The following KDM1A variants were observed in gnomAD, a reference collection of about 807,000 sequenced individuals.
KDM1A encodes lysine demethylase 1A, also known as lysine-specific histone demethylase 1A.
Under a neutral mutation model 109.4 loss-of-function variants are expected in KDM1A, and 49 were observed. The observed-to-expected ratio is 0.45, with a 90% CI of 0.36 to 0.57. KDM1A has a LOEUF of 0.57. Ranked by LOEUF, KDM1A falls within the 20% of genes least tolerant of loss-of-function variation. KDM1A has a pLI of 0.00. For synonymous variants in KDM1A, 380 were observed against 415.4 expected (o/e 0.91, Z 1.04); for missense variants, 668 against 1,116.6 (o/e 0.60, Z 5.73).
intron 2 of KDM1A, among the ~76,000 whole-genome samples, chr1:23,033,792 GC>G (rs1380964050): frequency 6.6e-6 from 1 of 152,178 alleles, no homozygotes; most frequent in Non-Finnish European, 1.5e-5. Context: ...ACTAAGCCAG[GC>G]TAAGGAATTT....
intron 2 of KDM1A, among the ~76,000 whole-genome samples, chr1:23,036,444 G>GCCCCCCCCTCC (rs1642145183): frequency 2.5e-5 from 3 of 121,702 alleles, no homozygotes; most frequent in Non-Finnish European, 3.4e-5. Flanking sequence ...TTCTTGCCAC[G>GCCCCCCCCTCC]CCCCCCCCCT....
At chr1:23,067,339 C>A (rs1036426424) in intron 10 of KDM1A, among the ~76,000 whole-genome samples, 2 of 152,142 alleles carry the variant, frequency 1.3e-5, no homozygotes, top group Non-Finnish European at 2.9e-5. Flanking sequence ...GCCCTTCTTG[C>A]CAGATTCTTT....
chr1:23,070,622 C>T (rs571332338), intron 12 of KDM1A, among the ~76,000 whole-genome samples: 1 of 152,088 alleles, frequency 6.6e-6, no homozygotes, highest in Admixed American at 6.5e-5. Context: ...TTCTGGCTAA[C>T]ATGGTGAAAC....
In KDM1A at chr1:23,069,233, A is replaced by AT. The variant is rs1643237770; in HGVS notation, c.1413+88dup. The AT allele has an allele frequency of 2.4e-5, 20 of 829,854 alleles. No homozygotes were observed. In the South Asian group the frequency reaches 3.4e-4, roughly 14 times the overall value. 51.4% of individuals were successfully genotyped at this position (829,854 alleles called of 1,614,324 possible). A position where few individuals can be genotyped will look rare whatever the true frequency, so the allele number is the denominator to read the frequency against. ...TAGAAATTTTAAAAGCATTTCCGAG[A>AT]TTTTTTCCTCCATGGAAGAGAAAGT... On this transcript the variant is annotated intron_variant, in intron 12 of 20. Transcript: ENST00000400181.
Position 23,077,349 on chromosome 1 carries a change from A to G in KDM1A, c.1856A>G (p.Tyr619Cys). ...AATACAGCAGTGCGACAGGTTCGCT[A>G]CACGGCTTCAGGTATGTCACTGCTT... The part of the protein sequence containing the change: ...KLNTAVRQVR[Y>C]TASGCEVIAV... The change falls in exon 16 of 21, where the codon TAC becomes TGC. Residue 619 changes from tyrosine (Y) to cysteine (C), a missense_variant. Tyr to Cys is a radical substitution (Grantham distance 194). Coordinates refer to ENST00000400181, the MANE Select transcript of KDM1A (RefSeq NM_001009999.3). 6.2e-7 allele frequency: 1 copy of G among 1,612,842 alleles called. No individual in the cohort carries two copies. The highest frequency in any genetic ancestry group is 8.5e-7 in the Non-Finnish European group (1 of 1,179,134).
At chr1:23,027,681 C>T (rs1641850504) in intron 1 of KDM1A, among the ~76,000 whole-genome samples, 1 of 150,382 alleles carries the variant, frequency 6.6e-6, no homozygotes, top group Non-Finnish European at 1.5e-5. Context: ...TTCTTCCTTC[C>T]AAAGTACTGA....
At chr1:23,042,440 A>ATTATTATTATTATTATTATTATTTT in intron 2 of KDM1A, among the ~76,000 whole-genome samples, 1 of 21,560 alleles carries the variant, frequency 4.6e-5, no homozygotes. Context: ...GAAATATATT[A>ATTATTATTATTATTATTATTATTTT]TTTTTTTTTT....
intron 9 of KDM1A, among the ~76,000 whole-genome samples, chr1:23,064,409 C>G (rs1227361733): frequency 6.6e-6 from 1 of 152,232 alleles, no homozygotes; most frequent in South Asian, 2.1e-4. Flanking sequence ...TGGAGATTGA[C>G]TGTGGCCTCC....
chr1:23,061,712 A>G (rs938823133), intron 9 of KDM1A, among the ~76,000 whole-genome samples: 2 of 149,936 alleles, frequency 1.3e-5, no homozygotes, highest in Non-Finnish European at 2.9e-5. Context: ...GCTGGAGTGC[A>G]GTGGCACAAT....
intron 6 of KDM1A, 83 bp from the exon 7 acceptor site, chr1:23,055,849 C>T: frequency 2.6e-6 from 2 of 771,998 alleles, no homozygotes; most frequent in Non-Finnish European, 4.2e-6. Flanking sequence ...ATGTTAAGAA[C>T]CTAGAGGTTT....
chr1:23,019,538 G>T lies in KDM1A; in HGVS notation c.-59G>T. On this transcript the variant is annotated 5_prime_UTR_variant, in exon 1 of 21. Coordinates refer to ENST00000400181, the MANE Select transcript of KDM1A (RefSeq NM_001009999.3). The stretch of plus-strand genomic sequence containing the variant: ...AAGCGAGGCGAGGCAAGGCTTTTCG[G>T]ACCCACGGAGCGACAGAGCGAGCGG... 2.2e-6 allele frequency: 3 copies of T among 1,338,448 alleles called. No individual in the cohort carries two copies. Among genetic ancestry groups the T allele is most frequent in the South Asian group, 2.1e-5 (1 of 46,976 alleles). 82.9% of individuals were successfully genotyped at this position (1,338,448 alleles called of 1,614,324 possible).
At chr1:23,055,857 T>A in intron 6 of KDM1A, 75 bp from the exon 7 acceptor site, 1 of 880,384 alleles carries the variant, frequency 1.1e-6, no homozygotes, top group Non-Finnish European at 1.8e-6. Flanking sequence ...AACCTAGAGG[T>A]TTTCATGAAA....
intron 15 of KDM1A, among the ~76,000 whole-genome samples, chr1:23,074,046 T>C (rs1643394265): frequency 6.6e-6 from 1 of 152,218 alleles, no homozygotes; most frequent in Non-Finnish European, 1.5e-5. Context: ...TAAATCAACT[T>C]CCAAACTATT....
intron 4 of KDM1A, 67 bp downstream of exon 4, chr1:23,050,587 G>A: frequency 7.9e-7 from 1 of 1,268,056 alleles, no homozygotes; most frequent in South Asian, 2.0e-5. Flanking sequence ...TAGAGAATAT[G>A]GGAAAAATAA....
chr1:23,083,343 A>AC lies in KDM1A; in HGVS notation c.2611dup (p.Gln871ProfsTer54). 2 of 1,613,402 alleles carry AC rather than the reference A, an allele frequency of 1.2e-6. No individual in the cohort carries two copies. The highest frequency in any genetic ancestry group is 1.7e-6 in the Non-Finnish European group (2 of 1,179,750). On this transcript the variant is annotated frameshift_variant, in exon 21 of 21. Transcript: ENST00000400181. LOFTEE classifies it high-confidence loss of function. The stretch of plus-strand genomic sequence containing the variant: ...GCCAGGCCACACCAGGTGTTCCTGC[A>AC]CAGCAGTCCCCAAGCATGTGAGACA...
intron 15 of KDM1A, 90 bp from the exon 16 acceptor site, chr1:23,077,138 C>T (rs747176656): frequency 3.4e-5 from 42 of 1,242,420 alleles, no homozygotes; most frequent in Non-Finnish European, 4.7e-5. Context: ...TTTCCACAAG[C>T]TTGTGTTTTC....
chr1:23,073,505 A>G, intron 15 of KDM1A, 102 bp downstream of exon 15: 4 of 711,288 alleles, frequency 5.6e-6, no homozygotes, highest in Non-Finnish European at 7.5e-6. Context: ...CTTTAGTAAG[A>G]GACATCATTT....
At chr1:23,043,181 G>A (rs1008485132) in intron 2 of KDM1A, among the ~76,000 whole-genome samples, 6 of 152,194 alleles carry the variant, frequency 3.9e-5, no homozygotes, top group African/African-American at 9.6e-5. Flanking sequence ...TTAGTAACCC[G>A]ATCGTCTCTT....
At chr1:23,028,971 C>CAT (rs1641893782) in intron 1 of KDM1A, among the ~76,000 whole-genome samples, 1 of 152,092 alleles carries the variant, frequency 6.6e-6, no homozygotes, top group South Asian at 2.1e-4. Flanking sequence ...TACAATTATT[C>CAT]ATGTATTAAA....
Sources: allele counts gnomAD v4.1 joint callset (sites outside exome capture counted in the v4.1 genomes callset), GRCh38; gene constraint gnomAD v4.1.1; transcripts MANE v1.5; gene names NCBI Gene and HGNC (gene_info 2026-07-23, HGNC 2026-07-21).